SEMA3E: variants seen among roughly 807,000 people sequenced by gnomAD.
The protein encoded by SEMA3E is semaphorin-3E.
In SEMA3E, 49 loss-of-function variants were observed where a neutral mutation model predicts 93.6. The ratio of observed to expected loss-of-function variants is 0.52; its 90% CI spans 0.42 to 0.66. The LOEUF is 0.66. Among genes scored for constraint, SEMA3E ranks in the 30% least tolerant of loss-of-function variants. The probability of loss-of-function intolerance (pLI) is 0.00; values close to 1 mark genes in which losing one functional copy is unlikely to be tolerated. For synonymous variants in SEMA3E, 363 were observed against 330.7 expected (o/e 1.10, Z -1.06); for missense variants, 906 against 964.8 (o/e 0.94, Z 0.81).
intron 1 of SEMA3E, among the ~76,000 whole-genome samples, chr7:83,603,541 G>GA (rs1320844101): frequency 1.3e-5 from 2 of 152,092 alleles, no homozygotes; most frequent in Non-Finnish European, 2.9e-5. Flanking sequence ...TATCTTTTCA[G>GA]AAAAAACTAG....
intron 1 of SEMA3E, among the ~76,000 whole-genome samples, chr7:83,618,718 A>T (rs1370344199): frequency 6.6e-6 from 1 of 151,986 alleles, no homozygotes; most frequent in Non-Finnish European, 1.5e-5. Context: ...AAGACAGTTC[A>T]ACTAGGTATT....
At chr7:83,588,333 A>G (rs1436055201) in intron 1 of SEMA3E, among the ~76,000 whole-genome samples, 4 of 152,084 alleles carry the variant, frequency 2.6e-5, no homozygotes, top group African/African-American at 9.7e-5. Flanking sequence ...ATGAGCTGAG[A>G]CCGTGCCACT....
rs1304219354 is a variant in SEMA3E at position 83,463,784 on chromosome 7, A to G, written c.456+2698T>C. 2.0e-5 allele frequency among the ~76,000 whole-genome samples: 3 copies of G among 152,136 alleles called. No homozygotes were observed. The East Asian group carries it at 5.8e-4, about 29-fold the overall frequency. On this transcript the variant is annotated intron_variant, in intron 4 of 16. Transcript: ENST00000643230. ...TCTATCCTCAAGGAAATAACTTCTC[A>G]GTGTTCCATCTGCTATTCCACTACT...
At chr7:83,458,522 A>G (rs1046269981) in intron 4 of SEMA3E, among the ~76,000 whole-genome samples, 1 of 152,078 alleles carries the variant, frequency 6.6e-6, no homozygotes, top group Non-Finnish European at 1.5e-5. Context: ...ACCCTTATAA[A>G]TTATCTTCAA....
Position 83,403,530 on chromosome 7 carries a change from C to T in SEMA3E, c.999-754G>A, listed in dbSNP as rs73707823. ...TTTGTAATCAGATTCTACAAAAGGA[C>T]ATTTTTAAAGATTTTTTTAAACATT... On this transcript the variant is annotated intron_variant, in intron 9 of 16. Transcript: ENST00000643230. 2.8e-3 allele frequency among the ~76,000 whole-genome samples: 426 copies of T among 152,024 alleles called. 2 individuals carry two copies. Among genetic ancestry groups the T allele is most frequent in the African/African-American group, 8.4e-3 (349 of 41,520 alleles).
At chr7:83,407,316 TA>T in intron 6 of SEMA3E, 77 bp from the exon 7 acceptor site, 1 of 1,225,214 alleles carries the variant, frequency 8.2e-7, no homozygotes, top group Non-Finnish European at 1.2e-6. Flanking sequence ...CAATAAATTG[TA>T]TATCATCTGA....
At chr7:83,485,293 G>A (rs1218804286) in intron 2 of SEMA3E, among the ~76,000 whole-genome samples, 1 of 152,176 alleles carries the variant, frequency 6.6e-6, no homozygotes, top group Non-Finnish European at 1.5e-5. Context: ...GCCAAGCACT[G>A]CTCTTGGTGC....
chr7:83,555,940 A>T (rs555258684), intron 1 of SEMA3E, among the ~76,000 whole-genome samples: 8 of 152,280 alleles, frequency 5.3e-5, no homozygotes, highest in African/African-American at 1.9e-4. Context: ...TTTCTCTGAC[A>T]ACCTCTTTTT....
intron 1 of SEMA3E, among the ~76,000 whole-genome samples, chr7:83,544,357 C>T (rs890925745): frequency 2.6e-5 from 4 of 151,984 alleles, no homozygotes; most frequent in African/African-American, 7.2e-5. Flanking sequence ...ATTCTTCATT[C>T]GAGCAGCTAT....
At chr7:83,612,866 A>G (rs1017406701) in intron 1 of SEMA3E, among the ~76,000 whole-genome samples, 4 of 152,146 alleles carry the variant, frequency 2.6e-5, no homozygotes, top group African/African-American at 7.2e-5. Flanking sequence ...TATTTCATTC[A>G]GAAAACTAAC....
chr7:83,374,004 C>G (rs1033862940), intron 16 of SEMA3E, among the ~76,000 whole-genome samples: 1 of 151,864 alleles, frequency 6.6e-6, no homozygotes, highest in Middle Eastern at 3.4e-3. Flanking sequence ...GTTGGGAGTT[C>G]GAGACCAGCA....
intron 1 of SEMA3E, among the ~76,000 whole-genome samples, chr7:83,599,266 A>G (rs1189847906): frequency 1.3e-5 from 2 of 152,220 alleles, no homozygotes; most frequent in African/African-American, 4.8e-5. Context: ...ATTAAGTTAC[A>G]CAGAACACAA....
intron 1 of SEMA3E, among the ~76,000 whole-genome samples, chr7:83,562,462 C>CTTTT (rs1792049647): frequency 9.1e-6 from 1 of 109,398 alleles, no homozygotes; most frequent in Non-Finnish European, 1.9e-5. Flanking sequence ...TCTGAACTTC[C>CTTTT]TTTTTATTTA....
chr7:83,402,464 C>T (rs1260320659), intron 10 of SEMA3E, among the ~76,000 whole-genome samples, 168 bp downstream of exon 10: 2 of 151,820 alleles, frequency 1.3e-5, no homozygotes, highest in Admixed American at 6.6e-5. Flanking sequence ...AAGGATAAAA[C>T]TTGAGATTTG....
intron 1 of SEMA3E, among the ~76,000 whole-genome samples, chr7:83,551,771 G>T (rs1375962774): frequency 6.6e-6 from 1 of 151,970 alleles, no homozygotes; most frequent in Non-Finnish European, 1.5e-5. Context: ...TTGACATTTT[G>T]GCTCAGATAA....
At chr7:83,585,583 A>T (rs1792610391) in intron 1 of SEMA3E, among the ~76,000 whole-genome samples, 1 of 152,190 alleles carries the variant, frequency 6.6e-6, no homozygotes, top group Non-Finnish European at 1.5e-5. Context: ...TAGACTGCTA[A>T]ATGGCTGGAT....
intron 1 of SEMA3E, among the ~76,000 whole-genome samples, chr7:83,575,182 A>C (rs1792372602): frequency 6.6e-6 from 1 of 151,956 alleles, no homozygotes; most frequent in Non-Finnish European, 1.5e-5. Flanking sequence ...TATTTGTTGA[A>C]AATTCTAAAA....
intron 1 of SEMA3E, among the ~76,000 whole-genome samples, chr7:83,567,308 T>C (rs1195644729): frequency 1.3e-5 from 2 of 152,114 alleles, no homozygotes; most frequent in Admixed American, 6.6e-5. Context: ...ACAATAAACT[T>C]TGGGGACTTC....
chr7:83,562,649 C>G lies in SEMA3E; in HGVS notation c.116-72375G>C, dbSNP rs1477167521. On this transcript the variant is annotated intron_variant, in intron 1 of 16. Transcript: ENST00000643230. ...TCCCAGAGAAACTTTCTTAGACAGCCTGTTCCTCTGTGGCAGAGGAAATTT... is the reference window on the plus strand; with the variant it reads ...TCCCAGAGAAACTTTCTTAGACAGCGTGTTCCTCTGTGGCAGAGGAAATTT... Among the ~76,000 whole-genome samples the G allele has an allele frequency of 2.6e-5, 4 of 152,118 alleles. No individual in the cohort carries two copies. In the South Asian group the frequency reaches 8.3e-4, roughly 32 times the overall value.
Sources: gnomAD v4.1 joint callset for allele counts (sites outside exome capture counted in the v4.1 genomes callset) on GRCh38, gnomAD v4.1.1 for gene constraint, MANE v1.5 for transcripts, NCBI Gene and HGNC (gene_info 2026-07-23, HGNC 2026-07-21) for gene names.